Variants in EYA4 observed in about 807,000 individuals in gnomAD.
EYA4 encodes the protein EYA transcriptional coactivator and phosphatase 4.
EYA4 carries 31 observed loss-of-function variants against 87.9 expected under a neutral mutation model. That is an observed-to-expected ratio of 0.35 (90% CI 0.27 to 0.48). EYA4 has a LOEUF of 0.48. Among genes scored for constraint, EYA4 ranks in the 20% least tolerant of loss-of-function variants. The pLI is 0.99. For missense variants in EYA4, 678 were observed against 761.4 expected (o/e 0.89, Z 1.29); for synonymous variants, 263 against 270.6 (o/e 0.97, Z 0.28).
intron 2 of EYA4, among the ~76,000 whole-genome samples, chr6:133,283,078 G>A (rs992263908): frequency 6.6e-6 from 1 of 152,048 alleles, no homozygotes; most frequent in African/African-American, 2.4e-5. Context: ...TGGATCACCT[G>A]AGGTCAGGAG....
intron 3 of EYA4, among the ~76,000 whole-genome samples, chr6:133,411,670 A>G (rs749247248): frequency 5.3e-5 from 8 of 152,180 alleles, no homozygotes; most frequent in Non-Finnish European, 4.4e-5. Flanking sequence ...ATATTTCACC[A>G]TAGAATTGAA....
intron 2 of EYA4, among the ~76,000 whole-genome samples, chr6:133,312,513 C>T (rs917977133): frequency 6.6e-6 from 1 of 152,108 alleles, no homozygotes; most frequent in African/African-American, 2.4e-5. Context: ...AAATGCCTAA[C>T]TCATTATGGT....
At chr6:133,331,027 G>GGT (rs752905039) in intron 2 of EYA4, among the ~76,000 whole-genome samples, 15 of 113,688 alleles carry the variant, frequency 1.3e-4, no homozygotes, top group African/African-American at 5.1e-4. Context: ...AACCAAACGG[G>GGT]TTTTTTTTTT....
Position 133,461,972 on chromosome 6 carries a change from A to G in EYA4, c.438-363A>G, listed in dbSNP as rs533776844. ...TGAGTGTGAATTTGCTCATGAGCAT[A>G]TTAATTAGCTAGTGTGTGCTCCATT... On this transcript the variant is annotated intron_variant, in intron 7 of 19. Transcript: ENST00000355286. The G allele has an allele frequency of 4.1e-3, 1,381 of 338,700 alleles. 32 individuals are homozygous for G. Among genetic ancestry groups the G allele is most frequent in the South Asian group, 0.022 (866 of 38,646 alleles). 21.0% of individuals were successfully genotyped at this position (338,700 alleles called of 1,614,324 possible). A position where few individuals can be genotyped will look rare whatever the true frequency, so the allele number is the denominator to read the frequency against.
At chr6:133,323,405 G>C (rs769905057) in intron 2 of EYA4, among the ~76,000 whole-genome samples, 20 of 152,110 alleles carry the variant, frequency 1.3e-4, no homozygotes, top group Non-Finnish European at 2.2e-4. Context: ...AGTGTGAAAA[G>C]TTTCTGCTGC....
At chr6:133,448,452 CTATT>C (rs772672379) in intron 5 of EYA4, among the ~76,000 whole-genome samples, 3 of 152,044 alleles carry the variant, frequency 2.0e-5, no homozygotes, top group Non-Finnish European at 4.4e-5. Context: ...GGTTTTCTAA[CTATT>C]TATCAGTTTA....
chr6:133,370,927 G>A (rs778805857), intron 2 of EYA4, among the ~76,000 whole-genome samples: 12 of 151,886 alleles, frequency 7.9e-5, no homozygotes, highest in Non-Finnish European at 1.5e-4. Context: ...TGTTTAGTGA[G>A]GTTTACCTTC....
At chr6:133,262,373 G>A (rs1336398092) in intron 1 of EYA4, among the ~76,000 whole-genome samples, 1 of 152,242 alleles carries the variant, frequency 6.6e-6, no homozygotes, top group Non-Finnish European at 1.5e-5. Flanking sequence ...TAATTTCTCA[G>A]TACTGGTAGG....
chr6:133,452,542 G>A (rs1477712160), intron 5 of EYA4, among the ~76,000 whole-genome samples: 2 of 152,082 alleles, frequency 1.3e-5, no homozygotes, highest in Non-Finnish European at 2.9e-5. Context: ...AAAAATAAGT[G>A]TATGGCAGTA....
At chr6:133,432,432 G>A (rs1234614523) in intron 3 of EYA4, among the ~76,000 whole-genome samples, 3 of 151,882 alleles carry the variant, frequency 2.0e-5, no homozygotes, top group Non-Finnish European at 2.9e-5. Context: ...GCTTTGTGAA[G>A]TATTACACCA....
At chr6:133,445,006 A>G (rs978872244) in intron 3 of EYA4, among the ~76,000 whole-genome samples, 3 of 151,978 alleles carry the variant, frequency 2.0e-5, no homozygotes, top group African/African-American at 7.3e-5. Flanking sequence ...TTTTTCACAT[A>G]TATTCTTTGT....
At chr6:133,509,411 A>C (rs1798937650) in intron 14 of EYA4, among the ~76,000 whole-genome samples, 1 of 152,120 alleles carries the variant, frequency 6.6e-6, no homozygotes, top group Admixed American at 6.6e-5. Flanking sequence ...AAAAAAAAAA[A>C]AAAAACCGAA....
At chr6:133,261,052 T>C (rs1775762831) in intron 1 of EYA4, among the ~76,000 whole-genome samples, 1 of 152,238 alleles carries the variant, frequency 6.6e-6, no homozygotes, top group Non-Finnish European at 1.5e-5. Flanking sequence ...TTATCAGTTA[T>C]ATTCATATAG....
At chr6:133,385,434 TGTGTGTGA>T (rs757845234) in intron 3 of EYA4, among the ~76,000 whole-genome samples, 1,301 of 128,342 alleles carry the variant, frequency 0.01, 6 homozygotes, top group South Asian at 0.013. Context: ...TGTGTGTGTG[TGTGTGTGA>T]GAGAGAGAGA....
intron 3 of EYA4, among the ~76,000 whole-genome samples, chr6:133,385,529 T>C (rs1786675580): frequency 6.6e-6 from 1 of 151,320 alleles, no homozygotes; most frequent in Admixed American, 6.6e-5. Context: ...AGAATTGAAC[T>C]CAAAGTGAAA....
intron 11 of EYA4, among the ~76,000 whole-genome samples, chr6:133,476,304 A>G (rs1360137171): frequency 1.3e-5 from 2 of 152,094 alleles, no homozygotes; most frequent in Non-Finnish European, 2.9e-5. Context: ...AATACAATAC[A>G]TTGTTACTAC....
In EYA4 at chr6:133,530,006, G is replaced by A. The variant is rs1800916417; in HGVS notation, c.*1201G>A. The A allele has an allele frequency of 3.0e-6, 3 of 985,176 alleles. No homozygotes were observed. Among genetic ancestry groups the A allele is most frequent in the East Asian group, 1.1e-4 (1 of 8,828 alleles). 61.0% of individuals were successfully genotyped at this position (985,176 alleles called of 1,614,324 possible). A position where few individuals can be genotyped will look rare whatever the true frequency, so the allele number is the denominator to read the frequency against. On this transcript the variant is annotated 3_prime_UTR_variant, in exon 20 of 20. Transcript: ENST00000355286. ...TTGAGTGCACAGGGCTTAAAATAAA[G>A]CTAAGTATGTTTATTCCCAATGCCA...
chr6:133,258,048 A>C (rs1775483820), intron 1 of EYA4, among the ~76,000 whole-genome samples: 1 of 152,194 alleles, frequency 6.6e-6, no homozygotes. Context: ...TGAAAAAGAA[A>C]TTAAGACATT....
At chr6:133,271,764 G>C (rs982461722) in intron 1 of EYA4, among the ~76,000 whole-genome samples, 4 of 152,152 alleles carry the variant, frequency 2.6e-5, no homozygotes, top group African/African-American at 9.7e-5. Context: ...TTGTTCATGG[G>C]CCCATTGGGC....
Sources: gnomAD v4.1 joint callset for allele counts (sites outside exome capture counted in the v4.1 genomes callset) on GRCh38, gnomAD v4.1.1 for gene constraint, MANE v1.5 for transcripts, NCBI Gene and HGNC (gene_info 2026-07-23, HGNC 2026-07-21) for gene names.